GPC5: variants seen among roughly 807,000 people sequenced by gnomAD.
GPC5 encodes glypican-5.
Under a neutral mutation model 53.9 loss-of-function variants are expected in GPC5, and 47 were observed. The observed-to-expected ratio is 0.87, with a 90% confidence interval of 0.69 to 1.11. The LOEUF is 1.11. Among genes scored for constraint, GPC5 ranks in the 50% most tolerant of loss-of-function variants. GPC5 has a pLI of 0.00. For synonymous variants in GPC5, 286 were observed against 263.3 expected (o/e 1.09, Z -0.84); for missense variants, 748 against 713.1 (o/e 1.05, Z -0.56).
At chr13:91,402,494 G>A (rs1216148853) in intron 1 of GPC5, among the ~76,000 whole-genome samples, 2 of 152,096 alleles carry the variant, frequency 1.3e-5, no homozygotes, top group African/African-American at 4.8e-5. Context: ...CTTGGAGTTT[G>A]GATTTACTGG....
At chr13:91,696,130 C>G (rs1945956189) in intron 3 of GPC5, among the ~76,000 whole-genome samples, 1 of 152,174 alleles carries the variant, frequency 6.6e-6, no homozygotes, top group Non-Finnish European at 1.5e-5. Flanking sequence ...ACTCTTTTCT[C>G]TCCTTATTCT....
In GPC5 at chr13:91,861,339, T is replaced by C. The variant is rs561876958; in HGVS notation, c.1281-46598T>C. The stretch of plus-strand genomic sequence containing the variant: ...AATCTTTAATTATTACTGTCATTTA[T>C]CTATTTCTCCCTTCAGTTCTGCTTA... On this transcript the variant is annotated intron_variant, in intron 5 of 7. Coordinates refer to ENST00000377067, the MANE Select transcript of GPC5 (RefSeq NM_004466.6). Among the ~76,000 whole-genome samples, 57 of 152,334 alleles carry C rather than the reference T, an allele frequency of 3.7e-4. No homozygotes were observed. In the Middle Eastern group the frequency reaches 0.01, roughly 27 times the overall value.
chr13:91,424,746 T>G (rs1287773889), intron 1 of GPC5, among the ~76,000 whole-genome samples: 1 of 152,114 alleles, frequency 6.6e-6, no homozygotes, highest in Non-Finnish European at 1.5e-5. Flanking sequence ...TCCCAAGGGC[T>G]TAGGAAATAC....
intron 2 of GPC5, among the ~76,000 whole-genome samples, chr13:91,634,080 G>A (rs1011114194): frequency 4.6e-5 from 7 of 152,128 alleles, no homozygotes; most frequent in Admixed American, 4.6e-4. Context: ...TAGGGAATGA[G>A]GACATCATTT....
At chr13:92,341,883 A>G (rs1245283368) in intron 7 of GPC5, among the ~76,000 whole-genome samples, 1 of 152,138 alleles carries the variant, frequency 6.6e-6, no homozygotes, top group African/African-American at 2.4e-5. Context: ...AAAATGTCAA[A>G]TGTAAGGACA....
At chr13:92,443,459 A>T (rs1024003051) in intron 7 of GPC5, among the ~76,000 whole-genome samples, 2 of 152,212 alleles carry the variant, frequency 1.3e-5, no homozygotes, top group African/African-American at 4.8e-5. Flanking sequence ...AAGTTGTGAA[A>T]TCACCAACTA....
chr13:92,225,698 GCAT>G (rs1468473819), intron 7 of GPC5, among the ~76,000 whole-genome samples: 1 of 151,956 alleles, frequency 6.6e-6, no homozygotes, highest in Non-Finnish European at 1.5e-5. Flanking sequence ...ATTTGTACAT[GCAT>G]CATAATATGA....
chr13:92,657,579 GTT>G (rs67038073), intron 7 of GPC5, among the ~76,000 whole-genome samples: 41 of 106,726 alleles, frequency 3.8e-4, no homozygotes, highest in African/African-American at 6.3e-4. Context: ...AGGTTTTTTG[GTT>G]TTTTTTTTTT....
intron 6 of GPC5, among the ~76,000 whole-genome samples, chr13:92,104,071 G>T (rs1401291183): frequency 1.3e-5 from 2 of 152,130 alleles, no homozygotes; most frequent in East Asian, 1.9e-4. Flanking sequence ...TGCATTGAGA[G>T]AGCTATAAAT....
intron 7 of GPC5, among the ~76,000 whole-genome samples, chr13:92,859,526 A>G (rs1229557348): frequency 1.3e-5 from 2 of 151,986 alleles, no homozygotes; most frequent in East Asian, 3.9e-4. Flanking sequence ...AATTTCATTA[A>G]CTCATAGTAT....
chr13:91,829,391 G>T (rs1475643967), intron 5 of GPC5, among the ~76,000 whole-genome samples: 2 of 152,030 alleles, frequency 1.3e-5, no homozygotes, highest in Non-Finnish European at 2.9e-5. Flanking sequence ...ACTGGATCCT[G>T]TACTGGGAAA....
At chr13:91,949,989 T>C (rs1454716269) in intron 6 of GPC5, among the ~76,000 whole-genome samples, 1 of 152,192 alleles carries the variant, frequency 6.6e-6, no homozygotes, top group Non-Finnish European at 1.5e-5. Context: ...AGAGCCTTTG[T>C]TTAGACCGCA....
intron 2 of GPC5, among the ~76,000 whole-genome samples, chr13:91,670,895 A>G (rs1468903459): frequency 2.6e-5 from 4 of 152,230 alleles, no homozygotes; most frequent in South Asian, 2.1e-4. Flanking sequence ...ATTAAAAATA[A>G]AAACTACATA....
At chr13:91,659,598 T>C (rs2034934186) in intron 2 of GPC5, among the ~76,000 whole-genome samples, 1 of 152,198 alleles carries the variant, frequency 6.6e-6, no homozygotes, top group African/African-American at 2.4e-5. Flanking sequence ...TATGTGAAAA[T>C]AGAACAAATC....
At chr13:91,920,833 A>G (rs911792131) in intron 6 of GPC5, among the ~76,000 whole-genome samples, 4 of 151,762 alleles carry the variant, frequency 2.6e-5, no homozygotes, top group Admixed American at 1.3e-4. Flanking sequence ...ATTATCAGCA[A>G]TCAAGTGTTA....
In GPC5 at chr13:92,227,387, C is replaced by T. The variant is rs368188225; in HGVS notation, c.1561+82398C>T. 1.4e-4 allele frequency among the ~76,000 whole-genome samples: 22 copies of T among 152,234 alleles called. 3 individuals carry two copies. The highest frequency in any genetic ancestry group is 5.1e-4 in the African/African-American group (21 of 41,542). ...CTAGAGGGCCCCAAAGAATAGTTCT[C>T]CAGAAAGTGACATGGTATTTCGCAG... On this transcript the variant is annotated intron_variant, in intron 7 of 7. Transcript: ENST00000377067.
chr13:92,216,291 G>A (rs1308759480), intron 7 of GPC5, among the ~76,000 whole-genome samples: 2 of 152,170 alleles, frequency 1.3e-5, no homozygotes, highest in Non-Finnish European at 2.9e-5. Flanking sequence ...CTAGTTGTTT[G>A]CCTCACAGAA....
intron 5 of GPC5, among the ~76,000 whole-genome samples, chr13:91,817,117 A>G (rs2038411970): frequency 1.3e-5 from 2 of 152,336 alleles, no homozygotes; most frequent in Non-Finnish European, 2.9e-5. Context: ...TAGGAATGCC[A>G]GTATCACATA....
chr13:91,588,422 C>A (rs2032675201), intron 2 of GPC5, among the ~76,000 whole-genome samples: 1 of 152,092 alleles, frequency 6.6e-6, no homozygotes, highest in Admixed American at 6.6e-5. Flanking sequence ...CTTAATTTCT[C>A]TGAGCCTCAT....
Sources: allele counts gnomAD v4.1 joint callset (sites outside exome capture counted in the v4.1 genomes callset), GRCh38; gene constraint gnomAD v4.1.1; transcripts MANE v1.5; gene names NCBI Gene and HGNC (gene_info 2026-07-23, HGNC 2026-07-21).